DIP2C: variants seen among roughly 807,000 people sequenced by gnomAD.
DIP2C encodes disco-interacting protein 2 homolog C.
Under a neutral mutation model 192.4 loss-of-function variants are expected in DIP2C, and 33 were observed. The ratio of observed to expected loss-of-function variants is 0.17; its 90% confidence interval spans 0.13 to 0.23. The LOEUF is 0.23. DIP2C is among the 10% of genes least tolerant of loss of function. The pLI is 1.00. For missense variants in DIP2C, 1,537 were observed against 2,110.1 expected, an observed-to-expected ratio of 0.73 and a Z score of 5.32; for synonymous variants, 979 against 864.1, an observed-to-expected ratio of 1.13 and a Z score of -2.33.
At position 363,473 on chromosome 10, in the gene DIP2C, G is replaced by A. The variant is rs1050560745; in HGVS notation, c.2478-162C>T. Among the ~76,000 whole-genome samples, 8 of 152,146 alleles carry A rather than the reference G, an allele frequency of 5.3e-5. No homozygotes were observed. Among genetic ancestry groups the A allele is most frequent in the African/African-American group, 7.2e-5 (3 of 41,434 alleles). On this transcript the variant is annotated intron_variant, in intron 20 of 36. Transcript: ENST00000280886. This position sits in a 1 kb window ranked among gnomAD's most constrained non-coding sequence, Gnocchi z 5.4. ...CGAATTTCCCCACACTCATCAGTACGGGAAGAACTGTGGGAGGCGCCCAGG... is the reference window on the plus strand; with the variant it reads ...CGAATTTCCCCACACTCATCAGTACAGGAAGAACTGTGGGAGGCGCCCAGG...
chr10:456,677 TCCACGGCCA>T (rs1969325927), intron 3 of DIP2C, among the ~76,000 whole-genome samples: 1 of 152,212 alleles, frequency 6.6e-6, no homozygotes. Flanking sequence ...ATTCCACCTG[TCCACGGCCA>T]CCGTTTGTCT....
intron 1 of DIP2C, among the ~76,000 whole-genome samples, chr10:617,110 G>C (rs1853520799): frequency 6.6e-6 from 1 of 152,082 alleles, no homozygotes; most frequent in East Asian, 1.9e-4. Context: ...CCCACACCCA[G>C]ACCCCATGCA....
Position 544,556 on chromosome 10 carries a change from C to CA in DIP2C, c.86-58027dup, listed in dbSNP as rs1320336923. Among the ~76,000 whole-genome samples, 14 of 152,322 alleles carry CA rather than the reference C, an allele frequency of 9.2e-5. No individual in the cohort carries two copies. The East Asian group carries it at 2.3e-3, about 25-fold the overall frequency. ...ACCATTTTCCTTCCCCTCCCACTAG[C>CA]AATATATACAGATTCCAATTTTCCC... On this transcript the variant is annotated intron_variant, in intron 1 of 36. Coordinates refer to ENST00000280886, the MANE Select transcript of DIP2C (RefSeq NM_014974.3).
At chr10:622,748 T>A (rs1488807250) in intron 1 of DIP2C, among the ~76,000 whole-genome samples, 1 of 152,178 alleles carries the variant, frequency 6.6e-6, no homozygotes, top group African/African-American at 2.4e-5. Context: ...ACGTTCTAAA[T>A]GTAACTTGCT....
intron 1 of DIP2C, among the ~76,000 whole-genome samples, chr10:488,523 G>A (rs1844183615): frequency 6.6e-6 from 1 of 152,160 alleles, no homozygotes; most frequent in Admixed American, 6.5e-5. Flanking sequence ...ACCACACCTA[G>A]AGTCTTCCAC....
At chr10:605,858 G>A (rs1852421332) in intron 1 of DIP2C, among the ~76,000 whole-genome samples, 1 of 152,206 alleles carries the variant, frequency 6.6e-6, no homozygotes, top group African/African-American at 2.4e-5. Flanking sequence ...AAAAACCAAA[G>A]AAAACCGGGC....
intron 1 of DIP2C, among the ~76,000 whole-genome samples, chr10:534,665 A>ATTTTTT (rs1185714723): frequency 8.1e-6 from 1 of 123,834 alleles, no homozygotes. Flanking sequence ...CTGCTGGATG[A>ATTTTTT]TTATTATTTT....
chr10:318,359 C>A (rs1196005658), intron 31 of DIP2C, among the ~76,000 whole-genome samples: 1 of 152,214 alleles, frequency 6.6e-6, no homozygotes, highest in Non-Finnish European at 1.5e-5. Context: ...CCATTTACAG[C>A]ACAAACCAAT....
chr10:486,650 T>TC (rs1349571048), intron 1 of DIP2C, 120 bp from the exon 2 acceptor site: 1 of 822,468 alleles, frequency 1.2e-6, no homozygotes, highest in African/African-American at 1.8e-5. Context: ...GTTAGAATTT[T>TC]AAAAGCAAGC....
intron 32 of DIP2C, among the ~76,000 whole-genome samples, chr10:305,113 TAC>T (rs1469346784): frequency 1.3e-5 from 2 of 152,082 alleles, no homozygotes; most frequent in African/African-American, 4.8e-5. Context: ...TGCACACACG[TAC>T]ACTTGTAACA....
At chr10:491,133 C>A (rs1331365411) in intron 1 of DIP2C, among the ~76,000 whole-genome samples, 3 of 152,152 alleles carry the variant, frequency 2.0e-5, no homozygotes, top group Non-Finnish European at 4.4e-5. Context: ...CCAACTGGAA[C>A]CAGTGCAGAG....
At chr10:283,877 T>C (rs1301659002) in intron 34 of DIP2C, among the ~76,000 whole-genome samples, 1 of 152,192 alleles carries the variant, frequency 6.6e-6, no homozygotes, top group Non-Finnish European at 1.5e-5. Context: ...TGGACATATA[T>C]TGCAATAAAA....
chr10:342,508 C>T (rs1173310177), intron 28 of DIP2C, among the ~76,000 whole-genome samples: 2 of 152,190 alleles, frequency 1.3e-5, no homozygotes, highest in African/African-American at 2.4e-5. Flanking sequence ...GGAGGCACCA[C>T]GGTGCATTCC....
chr10:314,970 G>C (rs554713751), intron 31 of DIP2C, among the ~76,000 whole-genome samples: 49 of 152,282 alleles, frequency 3.2e-4, no homozygotes, highest in African/African-American at 1.1e-3. Context: ...TTATTGGTGC[G>C]ATTGCTGTTG....
At chr10:674,747 C>A (rs897421024) in intron 1 of DIP2C, among the ~76,000 whole-genome samples, 1 of 107,128 alleles carries the variant, frequency 9.3e-6, no homozygotes, top group Admixed American at 1.2e-4. Context: ...CCAGCCTAAG[C>A]AACAAAAGCA....
intron 17 of DIP2C, among the ~76,000 whole-genome samples, chr10:378,656 AAC>A (rs1209401438): frequency 2.0e-5 from 3 of 150,986 alleles, no homozygotes; most frequent in East Asian, 2.0e-4. Flanking sequence ...GACACACATG[AAC>A]AGATATGCCT....
intron 17 of DIP2C, among the ~76,000 whole-genome samples, chr10:382,249 C>CA (rs1962436447): frequency 6.6e-6 from 1 of 152,162 alleles, no homozygotes; most frequent in Non-Finnish European, 1.5e-5. Context: ...CAGTAAATCC[C>CA]ACAGCACATG....
At chr10:369,730 TGGGCACAGTGCTGGCACCCC>T in intron 17 of DIP2C, 97 bp from the exon 18 acceptor site, 1 of 1,592,086 alleles carries the variant, frequency 6.3e-7, no homozygotes, top group Admixed American at 1.7e-5. Context: ...TGGGCACCTC[TGGGCACAGTGCTGGCACCCC>T]AGGCACAGTG....
intron 1 of DIP2C, among the ~76,000 whole-genome samples, chr10:561,880 C>A (rs1849237723): frequency 6.6e-6 from 1 of 152,216 alleles, no homozygotes; most frequent in Non-Finnish European, 1.5e-5. Flanking sequence ...TCAGCCAAGG[C>A]CATCTGCACG....
Sources: allele counts gnomAD v4.1 joint callset (sites outside exome capture counted in the v4.1 genomes callset), GRCh38; gene constraint gnomAD v4.1.1; non-coding constraint Gnocchi (gnomAD v3.1); transcripts MANE v1.5; gene names NCBI Gene and HGNC (gene_info 2026-07-23, HGNC 2026-07-21).